Variants in COX10 observed in about 807,000 individuals in gnomAD.
The protein encoded by COX10 is protoheme IX farnesyltransferase, mitochondrial.
Under a neutral mutation model 37.3 loss-of-function variants are expected in COX10, and 27 were observed. That is an observed-to-expected ratio of 0.72 (90% CI 0.53 to 1.00). The LOEUF (loss-of-function observed/expected upper bound fraction) is 1.00, where lower values mean the gene tolerates loss of function less well. COX10 is among the 50% of genes least tolerant of loss of function. The probability of loss-of-function intolerance (pLI) is 0.00; values close to 1 mark genes in which losing one functional copy is unlikely to be tolerated. For missense variants in COX10, 475 were observed against 563.2 expected, an observed-to-expected ratio of 0.84 and a Z score of 1.59; for synonymous variants, 222 against 229.1, an observed-to-expected ratio of 0.97 and a Z score of 0.28.
At chr17:14,129,468 C>T (rs928437006) in intron 4 of COX10, among the ~76,000 whole-genome samples, 1 of 152,134 alleles carries the variant, frequency 6.6e-6, no homozygotes, top group African/African-American at 2.4e-5. Flanking sequence ...CACATTCTGT[C>T]TGAATCAGTT....
intron 5 of COX10, among the ~76,000 whole-genome samples, chr17:14,188,202 A>G (rs2142260737): frequency 1.2e-5 from 1 of 86,936 alleles, no homozygotes; most frequent in Admixed American, 1.3e-4. Context: ...AGTTTTTTAG[A>G]GTCTCATAGG....
chr17:14,172,877 GAC>G lies in COX10; in HGVS notation c.695+12934_695+12935del, dbSNP rs1905525246. Reference sequence around the variant, plus strand: ...TAATTTTGTTTTTAATTTTTTTGTAGACACAGTGTCTCACTATGTTGCCCAGG... The same window carrying G: ...TAATTTTGTTTTTAATTTTTTTGTAGACAGTGTCTCACTATGTTGCCCAGG... On this transcript the variant is annotated intron_variant, in intron 5 of 6. Transcript: ENST00000261643. Among the ~76,000 whole-genome samples the G allele has an allele frequency of 2.0e-5, 3 of 152,022 alleles. No homozygotes were observed. In the South Asian group the frequency reaches 6.2e-4, roughly 32 times the overall value.
intron 4 of COX10, among the ~76,000 whole-genome samples, chr17:14,135,333 T>A (rs1226476443): frequency 6.6e-6 from 1 of 151,930 alleles, no homozygotes; most frequent in African/African-American, 2.4e-5. Context: ...AATATAGCTA[T>A]TTTGTTATGA....
chr17:14,176,801 C>G (rs1905705966), intron 5 of COX10, among the ~76,000 whole-genome samples: 1 of 151,676 alleles, frequency 6.6e-6, no homozygotes, highest in Admixed American at 6.6e-5. Flanking sequence ...TGCTGCTTGC[C>G]TGTTTGTTAC....
intron 3 of COX10, 146 bp downstream of exon 3, chr17:14,077,202 T>C (rs749807420): frequency 4.0e-5 from 29 of 720,556 alleles, no homozygotes; most frequent in Non-Finnish European, 5.4e-5. Context: ...TAACTGGGAT[T>C]TGAAATTAAA....
chr17:14,076,683 T>A, intron 2 of COX10, 52 bp from the exon 3 acceptor site: 1 of 1,564,166 alleles, frequency 6.4e-7, no homozygotes, highest in Non-Finnish European at 8.8e-7. Flanking sequence ...AAATAACCAT[T>A]TGAGAGCATT....
At chr17:14,146,391 T>A (rs1904719799) in intron 4 of COX10, among the ~76,000 whole-genome samples, 1 of 152,054 alleles carries the variant, frequency 6.6e-6, no homozygotes, top group Admixed American at 6.6e-5. Context: ...GAACATACAC[T>A]GGGGAAAAGA....
chr17:14,099,377 A>G (rs773593992), intron 3 of COX10, among the ~76,000 whole-genome samples: 3 of 152,116 alleles, frequency 2.0e-5, no homozygotes, highest in Non-Finnish European at 4.4e-5. Flanking sequence ...ACCCATCTAG[A>G]TATTAGGGAA....
intron 1 of COX10, among the ~76,000 whole-genome samples, chr17:14,073,125 A>G (rs1295192052): frequency 6.6e-6 from 1 of 152,196 alleles, no homozygotes. Context: ...GTATTTAGTA[A>G]TATGTAACAG....
At chr17:14,106,948 G>A (rs182504229) in intron 4 of COX10, among the ~76,000 whole-genome samples, 2 of 152,152 alleles carry the variant, frequency 1.3e-5, no homozygotes, top group Admixed American at 6.5e-5. Flanking sequence ...TTTTTACAGT[G>A]AGGTCTTTTT....
intron 4 of COX10, among the ~76,000 whole-genome samples, chr17:14,120,797 A>G (rs1178531832): frequency 1.3e-5 from 2 of 152,212 alleles, no homozygotes; most frequent in Non-Finnish European, 2.9e-5. Context: ...TGAAAACTAT[A>G]TCCTCTGGAA....
intron 4 of COX10, among the ~76,000 whole-genome samples, chr17:14,129,893 G>GCAT (rs1230104259): frequency 6.6e-6 from 1 of 152,136 alleles, no homozygotes; most frequent in Non-Finnish European, 1.5e-5. Context: ...TTCAGCCTGT[G>GCAT]CATCAGCCTG....
At chr17:14,174,278 A>C (rs1905582765) in intron 5 of COX10, among the ~76,000 whole-genome samples, 1 of 151,946 alleles carries the variant, frequency 6.6e-6, no homozygotes, top group South Asian at 2.1e-4. Flanking sequence ...TGGGCAATAT[A>C]GTGAGACCTC....
intron 4 of COX10, among the ~76,000 whole-genome samples, chr17:14,132,086 G>C (rs532526683): frequency 1.3e-5 from 2 of 151,912 alleles, no homozygotes; most frequent in Non-Finnish European, 2.9e-5. Flanking sequence ...TCCTATGTTA[G>C]AGTTTTAATC....
chr17:14,165,946 A>G (rs1905271583), intron 5 of COX10, among the ~76,000 whole-genome samples: 1 of 152,248 alleles, frequency 6.6e-6, no homozygotes, highest in African/African-American at 2.4e-5. Context: ...AACTCTCTTC[A>G]GTTTTATGAA....
chr17:14,069,566 G>T lies in COX10; in HGVS notation c.-40G>T, dbSNP rs376921957. 1.5e-5 allele frequency: 24 copies of T among 1,612,568 alleles called. No individual in the cohort carries two copies. Among genetic ancestry groups the T allele is most frequent in the East Asian group, 2.2e-5 (1 of 44,860 alleles). On this transcript the variant is annotated 5_prime_UTR_variant, in exon 1 of 7. Transcript: ENST00000261643. ...CGCCCAGCGTCCCGTGAGGAGAGAG[G>T]ACACAGGGATCCCGGGGAGCGGCCC...
At chr17:14,110,515 G>A (rs1333504050) in intron 4 of COX10, among the ~76,000 whole-genome samples, 1 of 152,036 alleles carries the variant, frequency 6.6e-6, no homozygotes, top group Non-Finnish European at 1.5e-5. Flanking sequence ...GTAGCATGTT[G>A]TGATTAAACC....
At chr17:14,176,151 G>T (rs1405780008) in intron 5 of COX10, among the ~76,000 whole-genome samples, 18 of 152,068 alleles carry the variant, frequency 1.2e-4, no homozygotes, top group East Asian at 7.8e-4. Flanking sequence ...GTGAAGTTCT[G>T]CTGTTACTCA....
chr17:14,094,635 ATAACT>A (rs944611342), intron 3 of COX10, among the ~76,000 whole-genome samples: 4 of 152,238 alleles, frequency 2.6e-5, no homozygotes, highest in Non-Finnish European at 5.9e-5. Flanking sequence ...AGACAGAGAG[ATAACT>A]TAGATTATAG....
Sources: allele counts gnomAD v4.1 joint callset (sites outside exome capture counted in the v4.1 genomes callset), GRCh38; gene constraint gnomAD v4.1.1; transcripts MANE v1.5; gene names NCBI Gene and HGNC (gene_info 2026-07-23, HGNC 2026-07-21).